Variants in PARD3 observed in about 807,000 individuals in gnomAD.
The protein encoded by PARD3 is partitioning defective 3 homolog.
In PARD3, 75 loss-of-function variants were observed where a neutral mutation model predicts 155.4. The observed-to-expected ratio is 0.48, with a 90% CI of 0.40 to 0.58. PARD3 has a LOEUF of 0.58. PARD3 is among the 20% of genes least tolerant of loss of function. The probability of loss-of-function intolerance (pLI) is 0.00; values close to 1 mark genes in which losing one functional copy is unlikely to be tolerated. For synonymous variants in PARD3, 576 were observed against 610.5 expected (o/e 0.94, Z 0.83); for missense variants, 1,642 against 1,721.7 (o/e 0.95, Z 0.82).
chr10:34,289,495 TTAA>T (rs76651141), intron 20 of PARD3, among the ~76,000 whole-genome samples: 23,503 of 151,064 alleles, frequency 0.16, 2,328 homozygotes, highest in African/African-American at 0.29. Context: ...TGGCCAGATC[TTAA>T]TAATAATAAT....
At chr10:34,523,413 T>C (rs556990754) in intron 2 of PARD3, among the ~76,000 whole-genome samples, 1 of 152,362 alleles carries the variant, frequency 6.6e-6, no homozygotes, top group East Asian at 1.9e-4. Context: ...ATTGTTTTCC[T>C]ATGAAATAAA....
chr10:34,126,722 T>G (rs1426302672), intron 23 of PARD3, among the ~76,000 whole-genome samples: 1 of 151,954 alleles, frequency 6.6e-6, no homozygotes, highest in Non-Finnish European at 1.5e-5. Flanking sequence ...ACCATAAGAA[T>G]TGGTATGAAA....
chr10:34,563,605 A>G (rs930134615), intron 2 of PARD3, among the ~76,000 whole-genome samples: 1 of 151,124 alleles, frequency 6.6e-6, no homozygotes, highest in African/African-American at 2.4e-5. Context: ...ATATTGGCTC[A>G]GTGCAACCTC....
intron 3 of PARD3, among the ~76,000 whole-genome samples, chr10:34,482,800 A>C (rs1319576307): frequency 1.3e-5 from 2 of 152,042 alleles, no homozygotes; most frequent in African/African-American, 4.8e-5. Context: ...AGCAAGTTAG[A>C]GGGAGGATAG....
At chr10:34,754,149 T>C (rs1248281545) in intron 1 of PARD3, among the ~76,000 whole-genome samples, 1 of 152,130 alleles carries the variant, frequency 6.6e-6, no homozygotes, top group Non-Finnish European at 1.5e-5. Context: ...GCTGGGACTA[T>C]AAACACATGC....
chr10:34,384,316 C>T (rs1394512480), intron 7 of PARD3, 62 bp from the exon 8 acceptor site: 10 of 1,444,736 alleles, frequency 6.9e-6, no homozygotes, highest in African/African-American at 1.4e-5. Flanking sequence ...CACTGCCTTA[C>T]CACTTTAATG....
At chr10:34,248,517 A>G (rs564271007) in intron 22 of PARD3, among the ~76,000 whole-genome samples, 2 of 152,372 alleles carry the variant, frequency 1.3e-5, no homozygotes, top group South Asian at 4.1e-4. Flanking sequence ...GTCTAACAAT[A>G]GGACAAAAAA....
At chr10:34,458,324 T>A (rs1397332743) in intron 4 of PARD3, among the ~76,000 whole-genome samples, 1 of 152,132 alleles carries the variant, frequency 6.6e-6, no homozygotes, top group Non-Finnish European at 1.5e-5. Flanking sequence ...CACCTCAGCC[T>A]TCCGAATAGC....
intron 2 of PARD3, among the ~76,000 whole-genome samples, chr10:34,652,130 C>G (rs1179237357): frequency 6.6e-6 from 1 of 152,178 alleles, no homozygotes; most frequent in Non-Finnish European, 1.5e-5. Flanking sequence ...CATCTGAACT[C>G]CTGGGCTCAA....
intron 2 of PARD3, among the ~76,000 whole-genome samples, chr10:34,530,682 T>C (rs1347191688): frequency 6.6e-6 from 1 of 152,226 alleles, no homozygotes; most frequent in East Asian, 1.9e-4. Flanking sequence ...TTATTTGGGA[T>C]TTACTGGCTT....
intron 5 of PARD3, among the ~76,000 whole-genome samples, chr10:34,433,690 T>C (rs1170508229): frequency 6.6e-6 from 1 of 152,214 alleles, no homozygotes; most frequent in East Asian, 1.9e-4. Flanking sequence ...AAGTTAATCA[T>C]TCAATGTAAG....
chr10:34,140,161 C>G (rs148633224), intron 22 of PARD3, among the ~76,000 whole-genome samples: 34 of 152,086 alleles, frequency 2.2e-4, no homozygotes, highest in Middle Eastern at 3.4e-3. Context: ...AAATCAGGAG[C>G]ATTCTTGATA....
At chr10:34,769,219 C>T (rs1838518188) in intron 1 of PARD3, among the ~76,000 whole-genome samples, 1 of 152,144 alleles carries the variant, frequency 6.6e-6, no homozygotes, top group South Asian at 2.1e-4. Context: ...GGCAGACCTC[C>T]ACGGATACTG....
intron 14 of PARD3, 69 bp downstream of exon 14, chr10:34,359,078 G>T: frequency 1.6e-6 from 2 of 1,252,268 alleles, no homozygotes; most frequent in Non-Finnish European, 1.1e-6. Flanking sequence ...AATACCCTTT[G>T]CCCAAAATTA....
chr10:34,297,685 G>C (rs918652191), intron 20 of PARD3, among the ~76,000 whole-genome samples: 3 of 152,124 alleles, frequency 2.0e-5, no homozygotes, highest in African/African-American at 7.2e-5. Context: ...GTTAGTCTTG[G>C]CCAGCACAAT....
intron 3 of PARD3, among the ~76,000 whole-genome samples, chr10:34,503,490 A>G (rs958506617): frequency 2.0e-5 from 3 of 152,212 alleles, no homozygotes; most frequent in Non-Finnish European, 4.4e-5. Flanking sequence ...CCTTCCATAT[A>G]TAACCTCACT....
intron 2 of PARD3, among the ~76,000 whole-genome samples, chr10:34,662,648 G>C (rs973728667): frequency 6.6e-6 from 1 of 152,114 alleles, no homozygotes; most frequent in Non-Finnish European, 1.5e-5. Flanking sequence ...AGAGGTGAGA[G>C]GATCACTTGA....
intron 9 of PARD3, among the ~76,000 whole-genome samples, chr10:34,381,912 C>CA (rs202053812): frequency 0.017 from 1,226 of 71,590 alleles, 36 homozygotes; most frequent in East Asian, 0.028. Flanking sequence ...GGCCCTGTCT[C>CA]AAAAAAAAAA....
intron 9 of PARD3, 129 bp downstream of exon 9, chr10:34,382,411 A>T: frequency 1.1e-6 from 1 of 871,584 alleles, no homozygotes; most frequent in Non-Finnish European, 1.8e-6. Flanking sequence ...GTTCTTTCAC[A>T]AAATAATTAG....
Sources: gnomAD v4.1 joint callset for allele counts (sites outside exome capture counted in the v4.1 genomes callset) on GRCh38, gnomAD v4.1.1 for gene constraint, MANE v1.5 for transcripts, NCBI Gene and HGNC (gene_info 2026-07-23, HGNC 2026-07-21) for gene names.